The following CCSER1 variants were observed in gnomAD, a reference collection of about 807,000 sequenced individuals.
The protein encoded by CCSER1 is coiled-coil serine rich protein 1, also known as serine-rich coiled-coil domain-containing protein 1.
In CCSER1, 41 loss-of-function variants were observed where a neutral mutation model predicts 82.0. That is an observed-to-expected ratio of 0.50 (90% confidence interval 0.39 to 0.65). CCSER1 has a LOEUF of 0.65. Among genes scored for constraint, CCSER1 ranks in the 30% least tolerant of loss-of-function variants. The probability of loss-of-function intolerance (pLI) is 0.00; values close to 1 mark genes in which losing one functional copy is unlikely to be tolerated. For synonymous variants in CCSER1, 414 were observed against 383.9 expected, an observed-to-expected ratio of 1.08 and a Z score of -0.92; for missense variants, 1,119 against 1,064.2, an observed-to-expected ratio of 1.05 and a Z score of -0.72.
At position 90,932,965 on chromosome 4, in the gene CCSER1, A is replaced by AG. The variant is rs1730171982; in HGVS notation, c.2172+9519dup. Among the ~76,000 whole-genome samples the AG allele has an allele frequency of 2.8e-4, 12 of 42,652 alleles. 2 individuals carry two copies. Among genetic ancestry groups the AG allele is most frequent in the African/African-American group, 2.0e-3 (11 of 5,582 alleles). 28.0% of individuals were successfully genotyped at this position (42,652 alleles called of 152,430 possible). A position where few individuals can be genotyped will look rare whatever the true frequency, so the allele number is the denominator to read the frequency against. ...AAGAAAGAAAGAAAGAAAGAAAGAAAGAAAGAAAGAAAGAAAGAGAAAGAA... is the reference window on the plus strand; with the variant it reads ...AAGAAAGAAAGAAAGAAAGAAAGAAAGGAAAGAAAGAAAGAAAGAGAAAGAA... On this transcript the variant is annotated intron_variant, in intron 9 of 10. Coordinates refer to ENST00000509176, the MANE Select transcript of CCSER1 (RefSeq NM_001145065.2).
At chr4:91,582,658 G>GT (rs1444668121) in intron 10 of CCSER1, among the ~76,000 whole-genome samples, 3 of 151,310 alleles carry the variant, frequency 2.0e-5, no homozygotes, top group Admixed American at 6.6e-5. Flanking sequence ...AGTAATTGTG[G>GT]TTTTTTCATT....
chr4:91,479,651 G>A (rs1757780491), intron 10 of CCSER1, among the ~76,000 whole-genome samples: 1 of 150,676 alleles, frequency 6.6e-6, no homozygotes, highest in African/African-American at 2.4e-5. Flanking sequence ...ATGGGACTAA[G>A]AATTGGTACA....
At position 90,247,094 on chromosome 4, in the gene CCSER1, C is replaced by T. The variant is rs116774080; in HGVS notation, c.-41-61150C>T. ...GAATCTGTTGGACAAAGGGATGATTCACATGAGGAACAAAGCAGGATACTG... is the reference window on the plus strand; with the variant it reads ...GAATCTGTTGGACAAAGGGATGATTTACATGAGGAACAAAGCAGGATACTG... On this transcript the variant is annotated intron_variant, in intron 1 of 10. Transcript: ENST00000509176. Among the ~76,000 whole-genome samples, 1,037 of 152,262 alleles carry T rather than the reference C, an allele frequency of 6.8e-3. 9 individuals carry two copies. The highest frequency in any genetic ancestry group is 0.024 in the African/African-American group (1,002 of 41,552).
At chr4:90,568,578 G>A (rs1779699438) in intron 5 of CCSER1, among the ~76,000 whole-genome samples, 1 of 152,024 alleles carries the variant, frequency 6.6e-6, no homozygotes, top group South Asian at 2.1e-4. Context: ...TCTTTAGGCA[G>A]CATATAGATG....
At chr4:90,911,286 G>A (rs73834578) in intron 8 of CCSER1, 3 of 456,012 alleles carry the variant, frequency 6.6e-6, no homozygotes, top group East Asian at 7.0e-5. Flanking sequence ...ATGAGAGGAG[G>A]TTTTATTTGC....
rs1029949474 is a variant in CCSER1, at chr4:91,361,304, GA to G, written c.2218-237266del. Among the ~76,000 whole-genome samples, 4 of 151,924 alleles carry G rather than the reference GA, an allele frequency of 2.6e-5. No individual in the cohort carries two copies. In the East Asian group the frequency reaches 7.7e-4, roughly 29 times the overall value. ...ATTATGAAGAAAGGTGACATGATGT[GA>G]ATTTTACTTTAGGAAGAAAATACCA... is the stretch of plus-strand genomic sequence containing the variant. On this transcript the variant is annotated intron_variant, in intron 10 of 10. Transcript: ENST00000509176.
intron 5 of CCSER1, among the ~76,000 whole-genome samples, chr4:90,543,754 A>G (rs923593822): frequency 1.3e-5 from 2 of 152,200 alleles, no homozygotes; most frequent in Admixed American, 1.3e-4. Flanking sequence ...TAAAGACAGT[A>G]TCATATGTAA....
intron 8 of CCSER1, among the ~76,000 whole-genome samples, chr4:90,847,567 C>A (rs561160824): frequency 6.6e-6 from 1 of 152,232 alleles, no homozygotes; most frequent in Admixed American, 6.5e-5. Context: ...CATCATCTAT[C>A]TAATAACAGA....
chr4:91,435,564 A>T (rs1176368107), intron 10 of CCSER1, among the ~76,000 whole-genome samples: 2 of 152,216 alleles, frequency 1.3e-5, no homozygotes, highest in East Asian at 1.9e-4. Flanking sequence ...GTTAGAAAAG[A>T]TTTCGGCACC....
chr4:91,410,932 T>G (rs191416555), intron 10 of CCSER1, among the ~76,000 whole-genome samples: 135 of 152,206 alleles, frequency 8.9e-4, no homozygotes, highest in Admixed American at 3.9e-3. Context: ...TTTAGTGATC[T>G]TAGCATCATA....
intron 7 of CCSER1, chr4:90,780,447 ATACCC>A: frequency 6.2e-7 from 1 of 1,611,820 alleles, no homozygotes; most frequent in Non-Finnish European, 8.5e-7. Context: ...TACAGACCAC[ATACCC>A]TAGGGAATTC....
At chr4:91,207,165 T>C (rs1581771235) in intron 10 of CCSER1, among the ~76,000 whole-genome samples, 1 of 151,840 alleles carries the variant, frequency 6.6e-6, no homozygotes, top group South Asian at 2.1e-4. Flanking sequence ...TGAGACAGCA[T>C]TGACTATTAA....
chr4:90,916,160 A>C (rs1727366792), intron 8 of CCSER1, among the ~76,000 whole-genome samples: 1 of 152,140 alleles, frequency 6.6e-6, no homozygotes. Context: ...ATTGGAAAAA[A>C]CTACTTTAAA....
At chr4:91,555,319 A>G (rs778344900) in intron 10 of CCSER1, among the ~76,000 whole-genome samples, 3 of 151,112 alleles carry the variant, frequency 2.0e-5, no homozygotes, top group Admixed American at 6.6e-5. Flanking sequence ...AAATATTAAT[A>G]TCACTGATCA....
At chr4:90,813,474 A>G (rs1458797008) in intron 7 of CCSER1, among the ~76,000 whole-genome samples, 1 of 152,114 alleles carries the variant, frequency 6.6e-6, no homozygotes, top group Non-Finnish European at 1.5e-5. Context: ...CCCCACCCAA[A>G]TCTCAACTTG....
intron 4 of CCSER1, among the ~76,000 whole-genome samples, chr4:90,434,451 G>A (rs1444924575): frequency 1.3e-5 from 2 of 152,090 alleles, no homozygotes; most frequent in African/African-American, 4.8e-5. Context: ...GCCTCACATG[G>A]TGGTAAAATT....
intron 10 of CCSER1, among the ~76,000 whole-genome samples, chr4:91,310,483 GA>G (rs1745392180): frequency 6.6e-6 from 1 of 151,584 alleles, no homozygotes; most frequent in East Asian, 2.0e-4. Context: ...TTGTCAAGAA[GA>G]AGACAAGGAT....
chr4:90,933,049 G>GAAAGAAAGA (rs1477696736), intron 9 of CCSER1, among the ~76,000 whole-genome samples: 1 of 97,452 alleles, frequency 1.0e-5, no homozygotes, highest in African/African-American at 4.8e-5. Flanking sequence ...AGAAAGAGAA[G>GAAAGAAAGA]GAAGGAACGA....
intron 7 of CCSER1, among the ~76,000 whole-genome samples, chr4:90,786,166 C>A (rs988615380): frequency 2.0e-5 from 3 of 152,134 alleles, no homozygotes; most frequent in Non-Finnish European, 4.4e-5. Context: ...AAGACGATGG[C>A]TCCTAAGCAA....
Sources: allele counts gnomAD v4.1 joint callset (sites outside exome capture counted in the v4.1 genomes callset), GRCh38; gene constraint gnomAD v4.1.1; transcripts MANE v1.5; gene names NCBI Gene and HGNC (gene_info 2026-07-23, HGNC 2026-07-21).